The following MYH15 variants were observed in gnomAD, a reference collection of about 807,000 sequenced individuals.
MYH15 encodes myosin heavy chain 15.
Under a neutral mutation model 240.5 loss-of-function variants are expected in MYH15, and 227 were observed. The ratio of observed to expected loss-of-function variants is 0.94; its 90% CI spans 0.85 to 1.05. The LOEUF (loss-of-function observed/expected upper bound fraction) is 1.05. MYH15 is among the 50% of genes least tolerant of loss of function. MYH15 has a pLI of 0.00. For synonymous variants in MYH15, 785 were observed against 796.7 expected, an observed-to-expected ratio of 0.99 and a Z score of 0.25; for missense variants, 2,217 against 2,247.5, an observed-to-expected ratio of 0.99 and a Z score of 0.27.
At chr3:108,430,281 T>C (rs1272784174) in intron 26 of MYH15, among the ~76,000 whole-genome samples, 1 of 152,208 alleles carries the variant, frequency 6.6e-6, no homozygotes, top group Non-Finnish European at 1.5e-5. Flanking sequence ...ATGTGTGCAA[T>C]TGTGTGTAAA....
At chr3:108,522,623 T>C (rs2083629382) in intron 1 of MYH15, among the ~76,000 whole-genome samples, 1 of 152,114 alleles carries the variant, frequency 6.6e-6, no homozygotes, top group African/African-American at 2.4e-5. Context: ...CCACAAGTTG[T>C]TCTGCTTCAC....
intron 32 of MYH15, 25 bp downstream of exon 32, chr3:108,408,255 T>C: frequency 1.9e-6 from 3 of 1,597,442 alleles, no homozygotes; most frequent in Non-Finnish European, 2.6e-6. Context: ...CAGTGAAAAC[T>C]TTCTTTTCTC....
At chr3:108,480,395 C>G (rs2083257478) in intron 11 of MYH15, among the ~76,000 whole-genome samples, 1 of 152,150 alleles carries the variant, frequency 6.6e-6, no homozygotes, top group South Asian at 2.1e-4. Context: ...GAGTGAGAAA[C>G]TGAGAAAAGC....
intron 26 of MYH15, among the ~76,000 whole-genome samples, chr3:108,429,577 T>C (rs1348561202): frequency 2.0e-5 from 3 of 152,052 alleles, no homozygotes; most frequent in Admixed American, 2.0e-4. Context: ...GCCAAACAGG[T>C]CTACAAATCC....
In MYH15 at chr3:108,510,340, G is replaced by A. The variant is rs962759862; in HGVS notation, c.88+103C>T. On this transcript the variant is annotated intron_variant, in intron 1 of 40. Transcript: ENST00000693548. ...GGCTGATCATACCCTAAGCAAATAA[G>A]TTAGGCTCTAGAACTGATGGCTCTT... The A allele has an allele frequency of 2.2e-5, 32 of 1,439,610 alleles. No homozygotes were observed. In the South Asian group the frequency reaches 2.3e-4, roughly 10 times the overall value. The allele number at this position is 1,439,610 out of a possible 1,614,324, so 89.2% of individuals were successfully genotyped here.
At chr3:108,542,095 AC>A in the MYH15 span, among the ~76,000 whole-genome samples, 3 of 152,076 alleles carry the variant, frequency 2.0e-5, no homozygotes, top group Non-Finnish European at 2.9e-5. Flanking sequence ...AAAAATTAAG[AC>A]TTACAAATTT....
At chr3:108,501,462 G>A (rs1221683528) in intron 3 of MYH15, among the ~76,000 whole-genome samples, 2 of 152,150 alleles carry the variant, frequency 1.3e-5, no homozygotes, top group Non-Finnish European at 2.9e-5. Flanking sequence ...TAAGTGACAG[G>A]GCTGGTGGCT....
At chr3:108,474,874 C>T (rs907899601) in intron 12 of MYH15, among the ~76,000 whole-genome samples, 6 of 152,070 alleles carry the variant, frequency 3.9e-5, no homozygotes, top group Non-Finnish European at 7.4e-5. Flanking sequence ...GCACTTACGG[C>T]TTACAGGGCA....
rs188349463 is a variant in MYH15 at position 108,388,855 on chromosome 3, A to C, written c.5535+115T>G. 911 of 787,622 alleles carry C rather than the reference A, an allele frequency of 1.2e-3. 6 individuals are homozygous for C. Among genetic ancestry groups the C allele is most frequent in the Non-Finnish European group, 3.5e-4 (169 of 485,724 alleles). 48.8% of individuals were successfully genotyped at this position (787,622 alleles called of 1,614,324 possible). A position where few individuals can be genotyped will look rare whatever the true frequency, so the allele number is the denominator to read the frequency against. ...GAGTCAGTGTCTACTGCTGAAGGAG[A>C]ACAAAGATGAAGAGAGAACGGCAGG... On this transcript the variant is annotated intron_variant, in intron 38 of 40. Transcript: ENST00000693548.
intron 21 of MYH15, among the ~76,000 whole-genome samples, chr3:108,451,071 G>A (rs1229338953): frequency 1.3e-5 from 2 of 152,134 alleles, no homozygotes; most frequent in Non-Finnish European, 2.9e-5. Context: ...TAGAATTAGA[G>A]ATACAGTAGA....
In MYH15 at chr3:108,441,083, C is replaced by A; in HGVS notation, c.2833G>T (p.Glu945Ter). The A allele has an allele frequency of 1.2e-6, 2 of 1,614,178 alleles. No individual in the cohort carries two copies. The highest frequency in any genetic ancestry group is 1.7e-6 in the Non-Finnish European group (2 of 1,180,004). Residue 945 changes from glutamate to a stop codon, truncating the protein, a stop_gained, in exon 23 of 41, where the codon GAA becomes TAA. Coordinates refer to ENST00000693548, the MANE Select transcript of MYH15 (RefSeq NM_014981.3). LOFTEE classifies it high-confidence loss of function. ...AACATTGTTTCCAGGTCATCGATTT[C>A]TTTCTTCAACTCAAAACATTCATCT... ...LEDECFELKK[E>*]IDDLETMLVK...
At chr3:108,550,935 A>T in the MYH15 span, 1 of 308,870 alleles carries the variant, frequency 3.2e-6, no homozygotes, top group African/African-American at 2.2e-5. Flanking sequence ...ACCTTAAGCC[A>T]TAAAAGCCAG....
chr3:108,396,064 C>T (rs141608355), intron 35 of MYH15, among the ~76,000 whole-genome samples: 4 of 152,266 alleles, frequency 2.6e-5, no homozygotes, highest in African/African-American at 9.6e-5. Flanking sequence ...TATATGTACA[C>T]ATCAAGTTTC....
At chr3:108,466,966 T>C (rs1395135964) in intron 14 of MYH15, among the ~76,000 whole-genome samples, 3 of 152,166 alleles carry the variant, frequency 2.0e-5, no homozygotes, top group East Asian at 3.8e-4. Context: ...ACTTACTTAT[T>C]GGTTTAATAA....
intron 9 of MYH15, among the ~76,000 whole-genome samples, chr3:108,489,583 T>C (rs747019944): frequency 5.9e-5 from 9 of 152,134 alleles, no homozygotes; most frequent in Non-Finnish European, 1.2e-4. Context: ...AGAGGTCAAA[T>C]AGGGGCTGGC....
rs1461261234 is a variant in MYH15, at chr3:108,444,774, C to T, written c.2521G>A (p.Val841Ile). 5 of 1,613,864 alleles carry T rather than the reference C, an allele frequency of 3.1e-6. No individual in the cohort carries two copies. Among genetic ancestry groups the T allele is most frequent in the Non-Finnish European group, 3.4e-6 (4 of 1,179,982 alleles). ...GCACACTCTTCCTTCAGTCCAGCTA[C>T]TTCTTCTCCTACTTCTGAAGATTTA... ...LVKSSEVGEE[V>I]AGLKEECAQL... is the part of the protein sequence containing the mutation. Residue 841 changes from valine (V) to isoleucine (I), a missense_variant, in exon 22 of 41, where the codon GTA (valine) becomes ATA (isoleucine). By Grantham distance (29) the Val-to-Ile change is conservative. Coordinates refer to ENST00000693548, the MANE Select transcript of MYH15 (RefSeq NM_014981.3).
chr3:108,490,246 C>T (rs1257184227), intron 9 of MYH15, among the ~76,000 whole-genome samples: 2 of 152,180 alleles, frequency 1.3e-5, no homozygotes, highest in East Asian at 3.8e-4. Flanking sequence ...ATAATTGTCT[C>T]GTTTGCAGAG....
At chr3:108,477,859 T>C (rs2083234027) in intron 11 of MYH15, among the ~76,000 whole-genome samples, 1 of 152,152 alleles carries the variant, frequency 6.6e-6, no homozygotes, top group African/African-American at 2.4e-5. Flanking sequence ...TAGGCATGTA[T>C]CACTTCAGGT....
At position 108,441,056 on chromosome 3, in the gene MYH15, C is replaced by G. The variant is rs748967211; in HGVS notation, c.2860G>C (p.Val954Leu). ...GTACGCTTCTCCTTCTCTGACTTCA[C>G]CAACATTGTTTCCAGGTCATCGATT... ...KEIDDLETML[V>L]KSEKEKRTTE... is the part of the protein sequence containing the mutation. Residue 954 changes from valine (V) to leucine (L), a missense_variant, in exon 23 of 41, where the codon GTG (valine) becomes CTG (leucine). Transcript: ENST00000693548. 6.2e-7 allele frequency: 1 copy of G among 1,614,126 alleles called. No individual in the cohort carries two copies. Among genetic ancestry groups the G allele is most frequent in the Non-Finnish European group, 8.5e-7 (1 of 1,179,982 alleles).
Sources: allele counts gnomAD v4.1 joint callset (sites outside exome capture counted in the v4.1 genomes callset), GRCh38; gene constraint gnomAD v4.1.1; transcripts MANE v1.5; gene names NCBI Gene and HGNC (gene_info 2026-07-23, HGNC 2026-07-21).